BRINP1: variants seen among roughly 807,000 people sequenced by gnomAD.
BRINP1 encodes BMP/retinoic acid inducible neural specific 1, also known as BMP/retinoic acid-inducible neural-specific protein 1.
In BRINP1, 17 loss-of-function variants were observed where a neutral mutation model predicts 72.9. That is an observed-to-expected ratio of 0.23 (90% CI 0.16 to 0.35). The LOEUF is 0.35. Among genes scored for constraint, BRINP1 ranks in the 10% least tolerant of loss-of-function variants. The pLI, the probability that BRINP1 is intolerant of heterozygous loss-of-function variation, is 1.00. For synonymous variants in BRINP1, 418 were observed against 378.5 expected (o/e 1.10, Z -1.21); for missense variants, 850 against 1,001.6 (o/e 0.85, Z 2.04).
At chr9:119,188,055 T>C (rs1829643354) in intron 7 of BRINP1, among the ~76,000 whole-genome samples, 1 of 152,160 alleles carries the variant, frequency 6.6e-6, no homozygotes, top group Admixed American at 6.5e-5. Context: ...GTGAATAAAG[T>C]ATATGGGATT....
At chr9:119,332,576 C>T (rs1033943263) in intron 1 of BRINP1, among the ~76,000 whole-genome samples, 1 of 152,186 alleles carries the variant, frequency 6.6e-6, no homozygotes, top group African/African-American at 2.4e-5. Context: ...TGAGCCTGTA[C>T]ACAAGACACC....
At chr9:119,180,416 G>GT (rs1554745555) in intron 7 of BRINP1, among the ~76,000 whole-genome samples, 2 of 151,804 alleles carry the variant, frequency 1.3e-5, no homozygotes, top group African/African-American at 2.4e-5. Flanking sequence ...ACAAACAGTT[G>GT]TTTTTTTAGG....
At chr9:119,286,434 C>A (rs1258842265) in intron 2 of BRINP1, among the ~76,000 whole-genome samples, 1 of 152,156 alleles carries the variant, frequency 6.6e-6, no homozygotes. Flanking sequence ...TGGGGTTTCA[C>A]CATGTTAGCC....
intron 7 of BRINP1, among the ~76,000 whole-genome samples, chr9:119,175,369 CAG>C (rs936384569): frequency 6.6e-6 from 1 of 151,210 alleles, no homozygotes; most frequent in Non-Finnish European, 1.5e-5. Context: ...TGGGGTTTGT[CAG>C]GGGTTGGGGG....
At chr9:119,246,734 A>G (rs2118916956) in intron 3 of BRINP1, among the ~76,000 whole-genome samples, 1 of 152,306 alleles carries the variant, frequency 6.6e-6, no homozygotes, top group Non-Finnish European at 1.5e-5. Flanking sequence ...CATACTGCAG[A>G]GGAGGCTCTT....
intron 7 of BRINP1, among the ~76,000 whole-genome samples, chr9:119,182,074 G>A (rs1829563790): frequency 6.6e-6 from 1 of 152,066 alleles, no homozygotes; most frequent in African/African-American, 2.4e-5. Flanking sequence ...ACTCAGAGTG[G>A]GAAAGAATTC....
chr9:119,256,468 C>G (rs575093726), intron 2 of BRINP1, among the ~76,000 whole-genome samples: 1 of 152,252 alleles, frequency 6.6e-6, no homozygotes, highest in East Asian at 1.9e-4. Flanking sequence ...TTTATAAACT[C>G]CATCCAAGTC....
At chr9:119,175,023 C>T (rs1039333344) in intron 7 of BRINP1, among the ~76,000 whole-genome samples, 11 of 145,374 alleles carry the variant, frequency 7.6e-5, no homozygotes, top group East Asian at 6.2e-4. Context: ...TGCTAGATGA[C>T]GAGTTAGTGG....
chr9:119,176,927 T>TA (rs1434727352), intron 7 of BRINP1, among the ~76,000 whole-genome samples: 2 of 152,110 alleles, frequency 1.3e-5, no homozygotes, highest in Non-Finnish European at 2.9e-5. Context: ...CTCTCCTTTT[T>TA]AAATCCACAG....
chr9:119,282,872 T>C, intron 2 of BRINP1: 1 of 985,370 alleles, frequency 1.0e-6, no homozygotes, highest in Non-Finnish European at 1.2e-6. Context: ...CTCTTACGGT[T>C]GCGCTTTTCC....
intron 7 of BRINP1, among the ~76,000 whole-genome samples, chr9:119,200,838 T>C (rs986412404): frequency 2.1e-4 from 32 of 151,416 alleles, no homozygotes; most frequent in African/African-American, 6.8e-4. Flanking sequence ...GCTACCATAG[T>C]GAAGAACAAA....
At chr9:119,344,439 G>T (rs1831432372) in intron 1 of BRINP1, among the ~76,000 whole-genome samples, 1 of 152,104 alleles carries the variant, frequency 6.6e-6, no homozygotes, top group Non-Finnish European at 1.5e-5. Flanking sequence ...ATACTGTCTT[G>T]CTCACTTTTA....
intron 7 of BRINP1, among the ~76,000 whole-genome samples, chr9:119,207,366 G>A (rs184205260): frequency 2.4e-4 from 37 of 152,266 alleles, no homozygotes; most frequent in Admixed American, 2.2e-3. Context: ...AAAAGTCATC[G>A]TGGTTTTTGC....
chr9:119,271,437 C>T (rs1429442100), intron 2 of BRINP1, among the ~76,000 whole-genome samples: 3 of 151,926 alleles, frequency 2.0e-5, no homozygotes. Context: ...TATTATGCAA[C>T]TATCATTGAT....
intron 7 of BRINP1, among the ~76,000 whole-genome samples, chr9:119,188,307 G>C (rs1829646044): frequency 1.3e-5 from 2 of 152,044 alleles, no homozygotes; most frequent in African/African-American, 4.8e-5. Flanking sequence ...GATTTTAAAA[G>C]GCCAGGAAAT....
intron 7 of BRINP1, among the ~76,000 whole-genome samples, chr9:119,171,723 T>G (rs2118822376): frequency 8.7e-6 from 1 of 114,822 alleles, no homozygotes; most frequent in African/African-American, 3.8e-5. Context: ...ATTGACCACA[T>G]AGTTGGAAGT....
chr9:119,188,112 G>C (rs1829643777), intron 7 of BRINP1, among the ~76,000 whole-genome samples: 1 of 152,140 alleles, frequency 6.6e-6, no homozygotes, highest in African/African-American at 2.4e-5. Context: ...GAGTGTAAGA[G>C]GAATAATAGA....
chr9:119,297,831 TAATAA>T (rs1830896067), intron 2 of BRINP1, among the ~76,000 whole-genome samples: 1 of 137,108 alleles, frequency 7.3e-6, no homozygotes, highest in African/African-American at 2.5e-5. Context: ...TTAATAATAA[TAATAA>T]AATAATAACA....
At chr9:119,211,570 A>G (rs1173050443) in intron 6 of BRINP1, among the ~76,000 whole-genome samples, 1 of 152,150 alleles carries the variant, frequency 6.6e-6, no homozygotes, top group East Asian at 1.9e-4. Context: ...ATTTATGTAT[A>G]GAAACTAGGC....
Sources: allele counts gnomAD v4.1 joint callset (sites outside exome capture counted in the v4.1 genomes callset), GRCh38; gene constraint gnomAD v4.1.1; transcripts MANE v1.5; gene names NCBI Gene and HGNC (gene_info 2026-07-23, HGNC 2026-07-21).